The following MB21D2 variants were observed in gnomAD, a reference collection of about 807,000 sequenced individuals.
MB21D2 encodes Mab-21 domain containing 2, also known as nucleotidyltransferase MB21D2.
In MB21D2, 9 loss-of-function variants were observed where a neutral mutation model predicts 33.3. The observed-to-expected ratio is 0.27, with a 90% CI of 0.16 to 0.47. The LOEUF (loss-of-function observed/expected upper bound fraction) is 0.47, where lower values mean the gene tolerates loss of function less well. MB21D2 is among the 20% of genes least tolerant of loss of function. MB21D2 has a pLI of 0.99. For synonymous variants in MB21D2, 241 were observed against 236.3 expected (o/e 1.02, Z -0.18); for missense variants, 540 against 624.6 (o/e 0.86, Z 1.44).
chr3:192,844,854 G>GC (rs1469417147), intron 1 of MB21D2, among the ~76,000 whole-genome samples: 3 of 152,134 alleles, frequency 2.0e-5, no homozygotes, highest in African/African-American at 7.2e-5. Context: ...TAAGCCAAGA[G>GC]CCCCCCTTTG....
Position 192,909,005 on chromosome 3 carries a change from C to G in MB21D2, c.211+8625G>C, listed in dbSNP as rs1009287105. 2.6e-5 allele frequency among the ~76,000 whole-genome samples: 4 copies of G among 151,960 alleles called. No homozygotes were observed. The South Asian group carries it at 8.3e-4, about 32-fold the overall frequency. ...GCACGGTGGCTCACGCCTGTAATCC[C>G]AGCACTTTGGGAGGCCAAGGCAGGC... On this transcript the variant is annotated intron_variant, in intron 1 of 1. Transcript: ENST00000392452.
intron 1 of MB21D2, among the ~76,000 whole-genome samples, chr3:192,866,715 A>T (rs1372996141): frequency 6.6e-6 from 1 of 152,188 alleles, no homozygotes; most frequent in East Asian, 1.9e-4. Context: ...GGCATGATAC[A>T]TGAAATGTAA....
chr3:192,910,376 G>A (rs1714328131), intron 1 of MB21D2, among the ~76,000 whole-genome samples: 1 of 152,004 alleles, frequency 6.6e-6, no homozygotes, highest in Admixed American at 6.6e-5. Flanking sequence ...TACTTGGGAT[G>A]CTGAGGTAGG....
rs180733652 is a variant in MB21D2, at chr3:192,820,690, C to T, written c.212-21040G>A. On this transcript the variant is annotated intron_variant, in intron 1 of 1. Transcript: ENST00000392452. ...AGGCCCAACCTCCTCACAGATGCTC[C>T]GCTGCCTCGTTCAGCCAGCATCTGG... is the stretch of plus-strand genomic sequence containing the variant. Among the ~76,000 whole-genome samples the T allele has an allele frequency of 1.9e-3, 288 of 152,366 alleles. 1 individual carries two copies. The highest frequency in any genetic ancestry group is 0.015 in the South Asian group (74 of 4,828).
At chr3:192,813,593 A>G (rs900084749) in intron 1 of MB21D2, among the ~76,000 whole-genome samples, 10 of 152,148 alleles carry the variant, frequency 6.6e-5, no homozygotes, top group East Asian at 1.9e-4. Context: ...TTTGTTCCCT[A>G]TAATTACTTG....
intron 1 of MB21D2, among the ~76,000 whole-genome samples, chr3:192,810,348 T>C (rs1014495290): frequency 6.6e-6 from 1 of 152,202 alleles, no homozygotes; most frequent in South Asian, 2.1e-4. Context: ...TGATCTACAT[T>C]ACACATTTGA....
Position 192,806,206 on chromosome 3 carries a change from C to G in MB21D2, c.212-6556G>C, listed in dbSNP as rs114258378. Among the ~76,000 whole-genome samples, 1,348 of 152,278 alleles carry G rather than the reference C, an allele frequency of 8.9e-3. 14 individuals carry two copies. Among genetic ancestry groups the G allele is most frequent in the African/African-American group, 0.031 (1,278 of 41,564 alleles). Reference sequence around the variant, plus strand: ...TTGACCTGAACTAAATTAGCACTTTCGACATCTACTGTCATTGTGGGCTGT... The same window carrying G: ...TTGACCTGAACTAAATTAGCACTTTGGACATCTACTGTCATTGTGGGCTGT... On this transcript the variant is annotated intron_variant, in intron 1 of 1. Transcript: ENST00000392452.
chr3:192,866,388 T>A (rs1577188767), intron 1 of MB21D2, among the ~76,000 whole-genome samples: 1 of 152,208 alleles, frequency 6.6e-6, no homozygotes, highest in Admixed American at 6.5e-5. Flanking sequence ...TTAGATTGCG[T>A]CTTCTGGTTA....
At chr3:192,860,683 G>A (rs1355709386) in intron 1 of MB21D2, among the ~76,000 whole-genome samples, 1 of 152,208 alleles carries the variant, frequency 6.6e-6, no homozygotes, top group Admixed American at 6.5e-5. Flanking sequence ...GCCAGCAGAA[G>A]TGGAAGACTT....
intron 1 of MB21D2, among the ~76,000 whole-genome samples, chr3:192,861,664 C>T (rs1404147885): frequency 6.6e-6 from 1 of 152,078 alleles, no homozygotes; most frequent in African/African-American, 2.4e-5. Flanking sequence ...ATTAGCCGGG[C>T]GTGGTGGCGC....
At chr3:192,829,979 T>C (rs1014789488) in intron 1 of MB21D2, among the ~76,000 whole-genome samples, 1 of 152,152 alleles carries the variant, frequency 6.6e-6, no homozygotes, top group Non-Finnish European at 1.5e-5. Flanking sequence ...CTTCCTGCTT[T>C]GGCCTCCCAA....
intron 1 of MB21D2, among the ~76,000 whole-genome samples, chr3:192,815,535 A>G (rs1711902235): frequency 6.6e-6 from 1 of 152,220 alleles, no homozygotes. Flanking sequence ...AACTGCATGA[A>G]ATCAGGAAAG....
At position 192,797,625 on chromosome 3, in the gene MB21D2, C is replaced by G. The variant is rs1720549499; in HGVS notation, c.*761G>C. On this transcript the variant is annotated 3_prime_UTR_variant, in exon 2 of 2. Transcript: ENST00000392452. ...ATTCTGACAATGGCAAAGATTAGTG[C>G]AAATAATAATTATAATGGTATGTTC... The G allele has an allele frequency of 6.6e-6, 1 of 152,552 alleles. No homozygotes were observed. Among genetic ancestry groups the G allele is most frequent in the Non-Finnish European group, 1.5e-5 (1 of 68,026 alleles). The allele number at this position is 152,552 out of a possible 1,614,324, so 9.4% of individuals were successfully genotyped here.
intron 1 of MB21D2, among the ~76,000 whole-genome samples, chr3:192,809,464 T>G (rs924713127): frequency 1.3e-5 from 2 of 152,196 alleles, no homozygotes; most frequent in South Asian, 4.1e-4. Context: ...ATGGCCATGA[T>G]AGCTGACCTG....
At chr3:192,846,476 C>A (rs1354221340) in intron 1 of MB21D2, among the ~76,000 whole-genome samples, 3 of 152,126 alleles carry the variant, frequency 2.0e-5, no homozygotes, top group Admixed American at 6.5e-5. Context: ...CCCAATGCCA[C>A]AAACCACACC....
At position 192,890,953 on chromosome 3, in the gene MB21D2, C is replaced by T. The variant is rs117775862; in HGVS notation, c.211+26677G>A. Among the ~76,000 whole-genome samples, 411 of 152,202 alleles carry T rather than the reference C, an allele frequency of 2.7e-3. 8 individuals are homozygous for T. The South Asian group carries it at 0.035, about 13-fold the overall frequency. ...TCCTGCGTGGGGGAAGAAATGATAGCAACATCTCCTACCCCAGTCTAGAGT... is the reference window on the plus strand; with the variant it reads ...TCCTGCGTGGGGGAAGAAATGATAGTAACATCTCCTACCCCAGTCTAGAGT... On this transcript the variant is annotated intron_variant, in intron 1 of 1. Transcript: ENST00000392452.
chr3:192,834,421 C>CAAAAA (rs35712980), intron 1 of MB21D2, among the ~76,000 whole-genome samples: 1 of 127,128 alleles, frequency 7.9e-6, no homozygotes, highest in Non-Finnish European at 1.7e-5. Flanking sequence ...CCAGTTATAT[C>CAAAAA]AAAAAAAAAA....
intron 1 of MB21D2, among the ~76,000 whole-genome samples, chr3:192,869,284 A>AGGAG (rs1713236968): frequency 2.2e-5 from 1 of 45,986 alleles, no homozygotes; most frequent in Non-Finnish European, 3.8e-5. Flanking sequence ...GAAGGAAGGA[A>AGGAG]GGAGGGGAGG....
chr3:192,905,965 A>G (rs1714207769), intron 1 of MB21D2, among the ~76,000 whole-genome samples: 1 of 152,226 alleles, frequency 6.6e-6, no homozygotes, highest in Non-Finnish European at 1.5e-5. Flanking sequence ...ACTTCTCTTG[A>G]TTATGGTTTC....
Sources: allele counts gnomAD v4.1 joint callset (sites outside exome capture counted in the v4.1 genomes callset), GRCh38; gene constraint gnomAD v4.1.1; transcripts MANE v1.5; gene names NCBI Gene and HGNC (gene_info 2026-07-23, HGNC 2026-07-21).